Variants in GLYATL2 observed in about 807,000 individuals in gnomAD.
GLYATL2 encodes the protein glycine N-acyltransferase-like protein 2.
Under a neutral mutation model 21.4 loss-of-function variants are expected in GLYATL2, and 25 were observed. The observed-to-expected ratio is 1.17, with a 90% CI of 0.85 to 1.63. The LOEUF is 1.63. GLYATL2 is among the 40% of genes most tolerant of loss of function. The pLI is 0.00. For missense variants in GLYATL2, 361 were observed against 343.3 expected (o/e 1.05, Z -0.41); for synonymous variants, 114 against 118.2 (o/e 0.96, Z 0.23).
At chr11:58,850,898 A>C (rs117547340) in intron 1 of GLYATL2, among the ~76,000 whole-genome samples, 1,862 of 152,236 alleles carry the variant, frequency 0.012, 16 homozygotes, top group Non-Finnish European at 0.019. Flanking sequence ...TTTCACTTTC[A>C]TGTTCTACTC....
At chr11:58,858,468 T>TA (rs5792132) in intron 1 of GLYATL2, among the ~76,000 whole-genome samples, 24 of 151,202 alleles carry the variant, frequency 1.6e-4, no homozygotes, top group African/African-American at 3.9e-4. Context: ...TGGGCTTTTT[T>TA]AAAAAAAAAA....
At chr11:58,874,032 G>A (rs1854177416) in intron 1 of GLYATL2, among the ~76,000 whole-genome samples, 1 of 152,094 alleles carries the variant, frequency 6.6e-6, no homozygotes, top group Admixed American at 6.5e-5. Flanking sequence ...TATGTGTCGA[G>A]GAATTTATCC....
chr11:58,843,157 T>C (rs1853583284), intron 1 of GLYATL2, among the ~76,000 whole-genome samples: 1 of 152,108 alleles, frequency 6.6e-6, no homozygotes, highest in South Asian at 2.1e-4. Flanking sequence ...TATATGGGAG[T>C]ACACAGGGTT....
At chr11:58,879,107 A>T (rs1854288304) in intron 1 of GLYATL2, among the ~76,000 whole-genome samples, 1 of 152,166 alleles carries the variant, frequency 6.6e-6, no homozygotes, top group Admixed American at 6.5e-5. Flanking sequence ...GCTGGGGAAA[A>T]AAAATAAAGA....
intron 1 of GLYATL2, among the ~76,000 whole-genome samples, chr11:58,902,439 C>T (rs1854756346): frequency 6.6e-6 from 1 of 152,188 alleles, no homozygotes; most frequent in African/African-American, 2.4e-5. Flanking sequence ...ATCTCATTCT[C>T]TGTGATATAC....
intron 1 of GLYATL2, among the ~76,000 whole-genome samples, chr11:58,841,834 A>G (rs1168236952): frequency 1.3e-5 from 2 of 152,222 alleles, no homozygotes; most frequent in African/African-American, 2.4e-5. Context: ...GCTAAAAGAT[A>G]TGAGTACTAA....
At chr11:58,898,748 G>A (rs938570907) in intron 1 of GLYATL2, among the ~76,000 whole-genome samples, 2 of 152,032 alleles carry the variant, frequency 1.3e-5, no homozygotes, top group Non-Finnish European at 2.9e-5. Flanking sequence ...CAGGAGAATG[G>A]CGTGAACCTG....
chr11:58,871,322 T>G (rs187909367), intron 1 of GLYATL2, among the ~76,000 whole-genome samples: 1 of 152,100 alleles, frequency 6.6e-6, no homozygotes, highest in East Asian at 1.9e-4. Context: ...TTAGGGTACA[T>G]GTGCACAACG....
intron 1 of GLYATL2, among the ~76,000 whole-genome samples, chr11:58,880,305 A>G (rs974477154): frequency 5.3e-5 from 8 of 152,212 alleles, no homozygotes; most frequent in Non-Finnish European, 1.0e-4. Flanking sequence ...TGGGGTCATA[A>G]GAGCAATATT....
chr11:58,836,073 A>T (rs1464379210), intron 5 of GLYATL2, among the ~76,000 whole-genome samples: 1 of 152,144 alleles, frequency 6.6e-6, no homozygotes, highest in Non-Finnish European at 1.5e-5. Flanking sequence ...TCTTTCTCTG[A>T]TCTCATATTA....
rs769857750 is a variant in GLYATL2, at chr11:58,861,509, T to C, written n.61-23141A>G. On this transcript the variant is annotated intron_variant and non_coding_transcript_variant, in intron 1 of 4. Transcript: ENST00000533636. ...AGGTTTGTCAATCTTCTTTATCTTTTCAAAAGATCAAATTTCAGGGTTTTT... is the reference window on the plus strand; with the variant it reads ...AGGTTTGTCAATCTTCTTTATCTTTCCAAAAGATCAAATTTCAGGGTTTTT... Among the ~76,000 whole-genome samples, 3 of 151,972 alleles carry C rather than the reference T, an allele frequency of 2.0e-5. No homozygotes were observed. The East Asian group carries it at 5.8e-4, about 29-fold the overall frequency.
chr11:58,881,123 A>G (rs115489727), intron 1 of GLYATL2, among the ~76,000 whole-genome samples: 260 of 152,370 alleles, frequency 1.7e-3, no homozygotes, highest in African/African-American at 6.1e-3. Context: ...GTCAATTAAA[A>G]AAACTAACAT....
chr11:58,892,820 C>T (rs1416226326), intron 1 of GLYATL2: 1 of 320,292 alleles, frequency 3.1e-6, no homozygotes, highest in African/African-American at 2.2e-5. Context: ...GATAGGCCAC[C>T]CAGATGATGA....
intron 1 of GLYATL2, among the ~76,000 whole-genome samples, chr11:58,860,738 A>T (rs1853915801): frequency 6.6e-6 from 1 of 152,002 alleles, no homozygotes; most frequent in Admixed American, 6.6e-5. Flanking sequence ...CTGTGGGTTT[A>T]TCATATATTG....
intron 1 of GLYATL2, among the ~76,000 whole-genome samples, chr11:58,877,828 G>A (rs929871059): frequency 6.6e-6 from 1 of 152,212 alleles, no homozygotes; most frequent in Non-Finnish European, 1.5e-5. Context: ...GCTACAAAGT[G>A]TTAAAGCAAA....
At chr11:58,898,153 G>A (rs1357506599) in intron 1 of GLYATL2, among the ~76,000 whole-genome samples, 1 of 151,844 alleles carries the variant, frequency 6.6e-6, no homozygotes, top group African/African-American at 2.4e-5. Flanking sequence ...ATAAAATAAA[G>A]TACCAGTTAT....
At position 58,864,471 on chromosome 11, in the gene GLYATL2, A is replaced by G. The variant is rs773029244; in HGVS notation, n.61-26103T>C. Among the ~76,000 whole-genome samples the G allele has an allele frequency of 1.2e-4, 18 of 149,108 alleles. 1 individual carries two copies. The highest frequency in any genetic ancestry group is 1.9e-4 in the Non-Finnish European group (13 of 67,158). On this transcript the variant is annotated intron_variant and non_coding_transcript_variant, in intron 1 of 4. Transcript: ENST00000533636. ...AGGTACCAGCCTGGAGTGTGGGGCC[A>G]TAGGGGCATACCTATTACTGTATTT...
intron 1 of GLYATL2, among the ~76,000 whole-genome samples, chr11:58,857,426 C>A (rs1853848706): frequency 1.3e-5 from 2 of 152,140 alleles, no homozygotes; most frequent in African/African-American, 2.4e-5. Flanking sequence ...CCTGGAACAG[C>A]CTCCTCCTCC....
chr11:58,847,215 C>A (rs1197347815), upstream of GLYATL2, among the ~76,000 whole-genome samples: 1 of 152,122 alleles, frequency 6.6e-6, no homozygotes, highest in Non-Finnish European at 1.5e-5. Context: ...ACATTGAGGA[C>A]CTTGCGTGAG....
Sources: gnomAD v4.1 joint callset for allele counts (sites outside exome capture counted in the v4.1 genomes callset) on GRCh38, gnomAD v4.1.1 for gene constraint, MANE v1.5 for transcripts, NCBI Gene and HGNC (gene_info 2026-07-23, HGNC 2026-07-21) for gene names.